The following SCAPER variants were observed in gnomAD, a reference collection of about 807,000 sequenced individuals.
The protein encoded by SCAPER is S-phase cyclin A associated protein in the ER.
In SCAPER, 98 loss-of-function variants were observed where a neutral mutation model predicts 182.2. The observed-to-expected ratio is 0.54, with a 90% CI of 0.46 to 0.64. SCAPER has a LOEUF of 0.64. Among genes scored for constraint, SCAPER ranks in the 30% least tolerant of loss-of-function variants. The pLI, the probability that SCAPER is intolerant of heterozygous loss-of-function variation, is 0.00. For synonymous variants in SCAPER, 605 were observed against 564.6 expected (o/e 1.07, Z -1.01); for missense variants, 1,432 against 1,690.0 (o/e 0.85, Z 2.68).
chr15:76,561,359 A>T (rs1465512453), intron 23 of SCAPER, among the ~76,000 whole-genome samples: 1 of 152,178 alleles, frequency 6.6e-6, no homozygotes, highest in Non-Finnish European at 1.5e-5. Context: ...GTAATAATTG[A>T]CATGCCTGGT....
rs532385548 is a variant in SCAPER, at chr15:76,508,471, T to C, written c.2839-3497A>G. Among the ~76,000 whole-genome samples, 7 of 152,306 alleles carry C rather than the reference T, an allele frequency of 4.6e-5. No individual in the cohort carries two copies. In the South Asian group the frequency reaches 1.4e-3, roughly 32 times the overall value. On this transcript the variant is annotated intron_variant, in intron 23 of 31. Transcript: ENST00000563290. ...AGAGTATGCATAGGTTCAGTTTTAG[T>C]AGCTATGGCCAAACAGCTTTCTAAA...
chr15:76,645,487 C>T (rs573401897), intron 21 of SCAPER, among the ~76,000 whole-genome samples: 36 of 151,274 alleles, frequency 2.4e-4, no homozygotes, highest in Non-Finnish European at 4.7e-4. Flanking sequence ...CATCTTAGCA[C>T]AATACCTGAG....
At chr15:76,386,710 G>C (rs2043315431) in intron 27 of SCAPER, among the ~76,000 whole-genome samples, 1 of 152,152 alleles carries the variant, frequency 6.6e-6, no homozygotes, top group Admixed American at 6.5e-5. Flanking sequence ...AGATCCCAAG[G>C]CTTGGAGCCA....
chr15:76,565,811 T>C (rs1034397740), intron 23 of SCAPER, among the ~76,000 whole-genome samples: 2 of 152,188 alleles, frequency 1.3e-5, no homozygotes, highest in Admixed American at 6.5e-5. Context: ...CAAGGGAAGC[T>C]AGCTGAAAAA....
intron 26 of SCAPER, among the ~76,000 whole-genome samples, chr15:76,416,491 G>A (rs201649505): frequency 6.8e-6 from 1 of 147,792 alleles, no homozygotes; most frequent in Non-Finnish European, 1.5e-5. Context: ...TCCATCTCAA[G>A]AAAAAAAAAA....
At chr15:76,823,804 T>A (rs1266973604) in intron 5 of SCAPER, among the ~76,000 whole-genome samples, 1 of 152,066 alleles carries the variant, frequency 6.6e-6, no homozygotes, top group Non-Finnish European at 1.5e-5. Flanking sequence ...ATAATTCAAA[T>A]TTTTTAATCA....
At position 76,665,683 on chromosome 15, in the gene SCAPER, G is replaced by A. The variant is rs2146762388; in HGVS notation, c.2615C>T (p.Ala872Val). Residue 872 changes from alanine to valine, a missense_variant, in exon 21 of 32, where the codon GCC (alanine) becomes GTC (valine). Ala to Val is a moderately conservative substitution (Grantham distance 64). Transcript: ENST00000563290. Reference protein sequence around the residue: ...GEERQKNKKKAKKIKARMNFR... With the variant: ...GEERQKNKKKVKKIKARMNFR... ...GTTCATCCGGGCTTTTATCTTTTTG[G>A]CTTTTTTTTTATTTTTTTGCCGCTC... 6.3e-7 allele frequency: 1 copy of A among 1,590,702 alleles called. No individual in the cohort carries two copies. Among genetic ancestry groups the A allele is most frequent in the South Asian group, 1.2e-5 (1 of 86,640 alleles).
intron 22 of SCAPER, among the ~76,000 whole-genome samples, chr15:76,620,770 G>A (rs954739233): frequency 6.6e-6 from 1 of 151,944 alleles, no homozygotes; most frequent in Non-Finnish European, 1.5e-5. Flanking sequence ...ACCAAACACC[G>A]CATGTTCTCA....
chr15:76,381,284 T>C, intron 28 of SCAPER, 94 bp downstream of exon 28: 5 of 933,740 alleles, frequency 5.4e-6, no homozygotes, highest in Non-Finnish European at 8.4e-6. Context: ...GTTTATTCCT[T>C]ATGCCCCAAT....
chr15:76,476,595 ATTTTTTTTTTTTT>A (rs5813839), intron 24 of SCAPER, among the ~76,000 whole-genome samples: 17 of 73,534 alleles, frequency 2.3e-4, no homozygotes, highest in Middle Eastern at 0.031. Flanking sequence ...CACCCAGCTA[ATTTTTTTTTTTTT>A]TTTTTTTTTT....
chr15:76,893,947 A>T (rs2074291685), intron 1 of SCAPER, among the ~76,000 whole-genome samples: 1 of 152,204 alleles, frequency 6.6e-6, no homozygotes, highest in African/African-American at 2.4e-5. Context: ...ATAGTGACAA[A>T]AGCCTACATA....
At chr15:76,693,289 G>A (rs1181227977) in intron 20 of SCAPER, among the ~76,000 whole-genome samples, 1 of 152,126 alleles carries the variant, frequency 6.6e-6, no homozygotes, top group African/African-American at 2.4e-5. Flanking sequence ...CTAATTTAAA[G>A]TAAGACCAAC....
chr15:76,837,760 A>AG (rs1434691341), intron 5 of SCAPER, among the ~76,000 whole-genome samples: 5 of 152,238 alleles, frequency 3.3e-5, no homozygotes, highest in Admixed American at 1.3e-4. Flanking sequence ...AAGTACACGA[A>AG]CAGACATTTG....
At chr15:76,802,686 G>A (rs761796869) in intron 6 of SCAPER, among the ~76,000 whole-genome samples, 1 of 152,118 alleles carries the variant, frequency 6.6e-6, no homozygotes, top group Non-Finnish European at 1.5e-5. Context: ...ACTGCCTGTA[G>A]GGCTGACACA....
At chr15:76,849,814 T>C (rs2070528114) in intron 4 of SCAPER, among the ~76,000 whole-genome samples, 1 of 151,216 alleles carries the variant, frequency 6.6e-6, no homozygotes, top group African/African-American at 2.4e-5. Context: ...AGGAAAGAGG[T>C]TTAATTGACT....
intron 24 of SCAPER, among the ~76,000 whole-genome samples, chr15:76,485,573 GC>G (rs773557073): frequency 1.6e-4 from 25 of 152,094 alleles, no homozygotes; most frequent in Non-Finnish European, 2.9e-4. Context: ...AGTCTGAGTA[GC>G]CCAGGCAATC....
At position 76,632,367 on chromosome 15, in the gene SCAPER, G is replaced by T. The variant is rs563937943; in HGVS notation, c.2646-10538C>A. ...ATCAAGCCCGGCTTTCTTTTTTTTT[G>T]TATTTTTAGTAGAGATGGGGTTTCA... On this transcript the variant is annotated intron_variant, in intron 21 of 31. Coordinates refer to ENST00000563290, the MANE Select transcript of SCAPER (RefSeq NM_020843.4). Among the ~76,000 whole-genome samples, 418 of 151,194 alleles carry T rather than the reference G, an allele frequency of 2.8e-3. 1 individual carries two copies. Among genetic ancestry groups the T allele is most frequent in the African/African-American group, 9.8e-3 (404 of 41,124 alleles).
chr15:76,537,070 A>T (rs904876835), intron 23 of SCAPER, among the ~76,000 whole-genome samples: 1 of 152,122 alleles, frequency 6.6e-6, no homozygotes, highest in Non-Finnish European at 1.5e-5. Context: ...ATAAAAGAGG[A>T]TACAAACAAA....
chr15:76,839,211 CAT>C (rs1331503838), intron 5 of SCAPER, among the ~76,000 whole-genome samples: 3 of 152,160 alleles, frequency 2.0e-5, no homozygotes, highest in Non-Finnish European at 2.9e-5. Context: ...ATGTGAATTA[CAT>C]ATATGTGTTA....
Sources: gnomAD v4.1 joint callset for allele counts (sites outside exome capture counted in the v4.1 genomes callset) on GRCh38, gnomAD v4.1.1 for gene constraint, MANE v1.5 for transcripts, NCBI Gene and HGNC (gene_info 2026-07-23, HGNC 2026-07-21) for gene names.